Variants in ANO4 observed in about 807,000 individuals in gnomAD.
The protein encoded by ANO4 is anoctamin-4.
Under a neutral mutation model 141.9 loss-of-function variants are expected in ANO4, and 69 were observed. That is an observed-to-expected ratio of 0.49 (90% CI 0.40 to 0.59). ANO4 has a LOEUF of 0.59. ANO4 is among the 20% of genes least tolerant of loss of function. The pLI is 0.00. For missense variants in ANO4, 894 were observed against 1,162.2 expected, an observed-to-expected ratio of 0.77 and a Z score of 3.36; for synonymous variants, 350 against 394.3, an observed-to-expected ratio of 0.89 and a Z score of 1.33.
At chr12:100,735,919 T>C (rs1306658189) in intron 2 of ANO4, among the ~76,000 whole-genome samples, 1 of 152,200 alleles carries the variant, frequency 6.6e-6, no homozygotes, top group Non-Finnish European at 1.5e-5. Context: ...GTCAAATCTT[T>C]GGAAGAAGAT....
intron 1 of ANO4, among the ~76,000 whole-genome samples, chr12:100,826,508 A>T (rs1358865336): frequency 6.6e-6 from 1 of 152,054 alleles, no homozygotes; most frequent in Non-Finnish European, 1.5e-5. Context: ...TATTTGGTCC[A>T]TACCAGCGTG....
intron 8 of ANO4, 29 bp from the exon 9 acceptor site, chr12:101,020,005 C>T: frequency 2.6e-6 from 4 of 1,558,286 alleles, no homozygotes; most frequent in African/African-American, 1.4e-5. Flanking sequence ...GATTAATTCT[C>T]AACTTGTATT....
At position 101,075,761 on chromosome 12, in the gene ANO4, G is replaced by A. The variant is rs146523958; in HGVS notation, c.1313-3432G>A. ...TATATATATAACAAAAATATGTATA[G>A]CATAAACCACCTTTGAAGGAGACAA... On this transcript the variant is annotated intron_variant, in intron 14 of 27. Coordinates refer to ENST00000392977, the MANE Select transcript of ANO4 (RefSeq NM_001286615.2). Among the ~76,000 whole-genome samples the A allele has an allele frequency of 1.9e-3, 277 of 146,752 alleles. 1 individual carries two copies. The highest frequency in any genetic ancestry group is 6.6e-3 in the African/African-American group (265 of 40,024).
chr12:100,890,724 C>G (rs921054833), intron 1 of ANO4, among the ~76,000 whole-genome samples: 1 of 152,070 alleles, frequency 6.6e-6, no homozygotes, highest in Admixed American at 6.5e-5. Context: ...TGTGCATAGC[C>G]TCCTCTATTA....
chr12:100,752,365 C>T lies in ANO4; in HGVS notation c.358+12260C>T, dbSNP rs189691134. ...TCTCCATCCCTTCCTTCCTCCCTCT[C>T]CCTCTTACACACACACAAACCTGAA... On this transcript the variant is annotated intron_variant, in intron 3 of 29. Coordinates refer to the ANO4 transcript ENST00000644049. 2.4e-4 allele frequency among the ~76,000 whole-genome samples: 37 copies of T among 152,210 alleles called. 1 individual carries two copies. The highest frequency in any genetic ancestry group is 2.4e-3 in the Admixed American group (37 of 15,284).
chr12:101,097,065 T>C (rs189919891), intron 19 of ANO4, among the ~76,000 whole-genome samples: 3 of 152,118 alleles, frequency 2.0e-5, no homozygotes, highest in African/African-American at 7.2e-5. Context: ...AAAAATGGGA[T>C]ACAGAGGATG....
intron 1 of ANO4, among the ~76,000 whole-genome samples, chr12:100,726,049 A>G (rs2031101285): frequency 6.6e-6 from 1 of 152,194 alleles, no homozygotes; most frequent in Admixed American, 6.5e-5. Context: ...GTGATGTGAA[A>G]GCCACTCAGC....
chr12:100,946,011 A>G, intron 5 of ANO4, among the ~76,000 whole-genome samples: 1 of 152,222 alleles, frequency 6.6e-6, no homozygotes. Context: ...TAAAGCAGGA[A>G]GTGTTGAGAG....
chr12:100,935,951 C>A (rs1432326656), intron 3 of ANO4, among the ~76,000 whole-genome samples: 1 of 152,016 alleles, frequency 6.6e-6, no homozygotes, highest in Non-Finnish European at 1.5e-5. Context: ...ACTTTTTATG[C>A]CTGTGGAGTG....
At chr12:101,033,924 A>G (rs1310126057) in intron 9 of ANO4, among the ~76,000 whole-genome samples, 3 of 152,240 alleles carry the variant, frequency 2.0e-5, no homozygotes, top group African/African-American at 7.2e-5. Context: ...AATGCAAATC[A>G]AAACCGTAAT....
At chr12:101,080,883 T>TA (rs1491584060) in intron 15 of ANO4, among the ~76,000 whole-genome samples, 2,789 of 73,960 alleles carry the variant, frequency 0.038, 135 homozygotes, top group African/African-American at 0.094. Flanking sequence ...TATATATATA[T>TA]TATATATATA....
chr12:100,952,801 C>G (rs865873326), intron 5 of ANO4, among the ~76,000 whole-genome samples: 1 of 152,148 alleles, frequency 6.6e-6, no homozygotes, highest in African/African-American at 2.4e-5. Context: ...TCATTATTGC[C>G]TCAACTGCTT....
chr12:100,719,305 G>A (rs756595964), intron 1 of ANO4, among the ~76,000 whole-genome samples: 2 of 152,176 alleles, frequency 1.3e-5, no homozygotes, highest in African/African-American at 4.8e-5. Context: ...AGCAGTGTGA[G>A]CTAAACCATG....
chr12:100,749,301 A>C (rs990415105), intron 3 of ANO4, among the ~76,000 whole-genome samples: 1 of 152,224 alleles, frequency 6.6e-6, no homozygotes, highest in Non-Finnish European at 1.5e-5. Flanking sequence ...GAGCAAGCCC[A>C]GAATTTTAAC....
chr12:101,065,969 A>G (rs1414663163), intron 14 of ANO4, among the ~76,000 whole-genome samples: 1 of 152,248 alleles, frequency 6.6e-6, no homozygotes, highest in Non-Finnish European at 1.5e-5. Flanking sequence ...ATGCAAGTCA[A>G]CCAGTGTGAT....
chr12:100,889,379 C>T (rs964250840), intron 1 of ANO4, among the ~76,000 whole-genome samples: 24 of 152,034 alleles, frequency 1.6e-4, no homozygotes, highest in Non-Finnish European at 2.4e-4. Context: ...GATTTATAGT[C>T]CTTTGGGTAT....
intron 1 of ANO4, among the ~76,000 whole-genome samples, chr12:100,809,889 GGACAGT>G (rs1276715537): frequency 1.3e-5 from 2 of 152,066 alleles, no homozygotes; most frequent in African/African-American, 4.8e-5. Context: ...TCTTAAACTA[GGACAGT>G]GACATTAGGA....
intron 1 of ANO4, among the ~76,000 whole-genome samples, chr12:100,897,467 C>T (rs987081763): frequency 6.6e-6 from 1 of 152,222 alleles, no homozygotes; most frequent in African/African-American, 2.4e-5. Context: ...GATGTCTGCA[C>T]CATGTAGCGT....
At chr12:100,925,860 T>C (rs1347957816) in intron 3 of ANO4, among the ~76,000 whole-genome samples, 4 of 150,812 alleles carry the variant, frequency 2.7e-5, no homozygotes, top group Non-Finnish European at 5.9e-5. Context: ...CACACACATA[T>C]ATATATATAT....
Sources: gnomAD v4.1 joint callset for allele counts (sites outside exome capture counted in the v4.1 genomes callset) on GRCh38, gnomAD v4.1.1 for gene constraint, MANE v1.5 for transcripts, NCBI Gene and HGNC (gene_info 2026-07-23, HGNC 2026-07-21) for gene names.